SLC25A26: variants seen among roughly 807,000 people sequenced by gnomAD.
SLC25A26 encodes solute carrier family 25 member 26, also known as mitochondrial S-adenosylmethionine carrier protein.
A neutral mutation model predicts 37.8 loss-of-function variants in SLC25A26; 36 were observed. The observed-to-expected ratio is 0.95, with a 90% confidence interval of 0.73 to 1.26. SLC25A26 has a LOEUF of 1.26. SLC25A26 is among the 50% of genes most tolerant of loss of function. The probability of loss-of-function intolerance (pLI) is 0.00; values close to 1 mark genes in which losing one functional copy is unlikely to be tolerated. For synonymous variants in SLC25A26, 129 were observed against 122.5 expected (o/e 1.05, Z -0.35); for missense variants, 390 against 331.1 (o/e 1.18, Z -1.38).
intron 3 of SLC25A26, among the ~76,000 whole-genome samples, chr3:66,244,499 A>C (rs2072733295): frequency 6.6e-6 from 1 of 152,250 alleles, no homozygotes. Context: ...GCACCCAACA[A>C]GTAAAGAAGA....
At chr3:66,211,048 G>A (rs2071278362) in intron 1 of SLC25A26, among the ~76,000 whole-genome samples, 1 of 152,202 alleles carries the variant, frequency 6.6e-6, no homozygotes, top group Non-Finnish European at 1.5e-5. Flanking sequence ...ACATGACCAT[G>A]TCCTCTTGTA....
At chr3:66,202,683 A>C (rs1476213058) in intron 1 of SLC25A26, among the ~76,000 whole-genome samples, 2 of 128,624 alleles carry the variant, frequency 1.6e-5, no homozygotes, top group Non-Finnish European at 3.4e-5. Flanking sequence ...TTCTAATTTC[A>C]CTCCATATGT....
chr3:66,317,593 A>G (rs979311102), intron 5 of SLC25A26, among the ~76,000 whole-genome samples: 1 of 152,204 alleles, frequency 6.6e-6, no homozygotes, highest in African/African-American at 2.4e-5. Context: ...CAGGAGGAGC[A>G]GGATCAGGGA....
At chr3:66,182,857 T>C (rs1188099672) in intron 1 of SLC25A26, among the ~76,000 whole-genome samples, 1 of 151,984 alleles carries the variant, frequency 6.6e-6, no homozygotes, top group Non-Finnish European at 1.5e-5. Flanking sequence ...GCCTGAAGGA[T>C]GCAACTGGGG....
At chr3:66,323,018 T>G (rs1317867236) in intron 5 of SLC25A26, among the ~76,000 whole-genome samples, 1 of 146,608 alleles carries the variant, frequency 6.8e-6, no homozygotes, top group Non-Finnish European at 1.6e-5. Context: ...CTCATTTCTT[T>G]ACAAAGGTTT....
intron 1 of SLC25A26, among the ~76,000 whole-genome samples, chr3:66,200,628 G>C (rs946901227): frequency 4.6e-5 from 7 of 152,134 alleles, no homozygotes; most frequent in Non-Finnish European, 1.0e-4. Flanking sequence ...AAATGATCAG[G>C]GTACTTTCAT....
chr3:66,320,891 T>G (rs1559696668), intron 5 of SLC25A26, among the ~76,000 whole-genome samples: 1 of 152,314 alleles, frequency 6.6e-6, no homozygotes, highest in East Asian at 1.9e-4. Flanking sequence ...TTTTAAAAAA[T>G]TGTCATATTT....
At chr3:66,261,382 T>A (rs1413280750) in intron 3 of SLC25A26, among the ~76,000 whole-genome samples, 1 of 152,192 alleles carries the variant, frequency 6.6e-6, no homozygotes, top group African/African-American at 2.4e-5. Flanking sequence ...ATAAGTAAAT[T>A]ACCTTAATAT....
chr3:66,296,342 A>C (rs2074902583), intron 5 of SLC25A26, among the ~76,000 whole-genome samples: 1 of 152,212 alleles, frequency 6.6e-6, no homozygotes. Flanking sequence ...CATGGTTTAG[A>C]GTACATCAAA....
chr3:66,186,083 A>T (rs1488902807), intron 1 of SLC25A26, among the ~76,000 whole-genome samples: 1 of 151,762 alleles, frequency 6.6e-6, no homozygotes, highest in Non-Finnish European at 1.5e-5. Context: ...AATAAGCCTG[A>T]TACTAACCAA....
intron 1 of SLC25A26, among the ~76,000 whole-genome samples, chr3:66,172,835 T>C (rs143545391): frequency 1.3e-5 from 2 of 152,338 alleles, no homozygotes; most frequent in Non-Finnish European, 2.9e-5. Flanking sequence ...TGCATGTCTC[T>C]GTGTCCAAAT....
chr3:66,345,350 A>G (rs1407347357), intron 5 of SLC25A26, among the ~76,000 whole-genome samples: 2 of 151,962 alleles, frequency 1.3e-5, no homozygotes, highest in African/African-American at 2.4e-5. Context: ...GACTCTTGCA[A>G]GTAGCTCTGT....
intron 5 of SLC25A26, among the ~76,000 whole-genome samples, chr3:66,344,224 A>G (rs1369775915): frequency 3.9e-5 from 6 of 152,176 alleles, no homozygotes; most frequent in African/African-American, 1.4e-4. Flanking sequence ...TAACAATACC[A>G]GGCCAAGGTG....
At chr3:66,212,969 A>C (rs1166496021) in intron 1 of SLC25A26, among the ~76,000 whole-genome samples, 2 of 152,146 alleles carry the variant, frequency 1.3e-5, no homozygotes, top group African/African-American at 4.8e-5. Context: ...TCCTTTTCTT[A>C]AATCATCTTA....
chr3:66,238,816 G>A (rs1172601744), intron 2 of SLC25A26, among the ~76,000 whole-genome samples: 5 of 152,102 alleles, frequency 3.3e-5, no homozygotes, highest in South Asian at 4.1e-4. Flanking sequence ...AGGAAAAAGA[G>A]GACTTGGTTT....
chr3:66,227,093 A>G (rs1470772570), intron 1 of SLC25A26, among the ~76,000 whole-genome samples: 4 of 151,938 alleles, frequency 2.6e-5, no homozygotes, highest in Non-Finnish European at 5.9e-5. Flanking sequence ...AACTTCTAAC[A>G]TTTTATTTTT....
At chr3:66,329,821 C>G (rs2075928900) in intron 5 of SLC25A26, among the ~76,000 whole-genome samples, 1 of 152,134 alleles carries the variant, frequency 6.6e-6, no homozygotes, top group African/African-American at 2.4e-5. Flanking sequence ...CCTCAGACTC[C>G]CAATGTGCTG....
At chr3:66,314,102 T>TCCTTCCTATTTGAATAC (rs1255199431) in intron 5 of SLC25A26, among the ~76,000 whole-genome samples, 1 of 151,992 alleles carries the variant, frequency 6.6e-6, no homozygotes, top group Non-Finnish European at 1.5e-5. Context: ...CTTGTTTGAA[T>TCCTTCCTATTTGAATAC]CCTTTATTTC....
chr3:66,377,711 T>C lies in SLC25A26; in HGVS notation c.729T>C (p.Pro243=). 6.2e-7 allele frequency: 1 copy of C among 1,613,776 alleles called. No individual in the cohort carries two copies. The highest frequency in any genetic ancestry group is 1.1e-5 in the South Asian group (1 of 91,072). ...CTAGATTATTTGCAGGTGTCTTCCC[T>C]CGAATGGCAGCCATCAGTCTGGGAG... is the stretch of plus-strand genomic sequence containing the variant. ...GLAGLFAGVF[P]RMAAISLGGF... is the part of the protein sequence containing the mutation. The change falls in exon 10 of 10, where the codon CCT becomes CCC. Residue 243 remains proline (P), a synonymous_variant. Coordinates refer to ENST00000354883, the MANE Select transcript of SLC25A26 (RefSeq NM_001379210.1).
Sources: gnomAD v4.1 joint callset for allele counts (sites outside exome capture counted in the v4.1 genomes callset) on GRCh38, gnomAD v4.1.1 for gene constraint, MANE v1.5 for transcripts, NCBI Gene and HGNC (gene_info 2026-07-23, HGNC 2026-07-21) for gene names.